UGGT2: variants seen among roughly 807,000 people sequenced by gnomAD.
UGGT2 encodes the protein UDP-glucose glycoprotein glucosyltransferase 2.
UGGT2 carries 180 observed loss-of-function variants against 192.1 expected under a neutral mutation model. The ratio of observed to expected loss-of-function variants is 0.94; its 90% CI spans 0.83 to 1.06. The LOEUF (loss-of-function observed/expected upper bound fraction) is 1.06. Among genes scored for constraint, UGGT2 ranks in the 50% least tolerant of loss-of-function variants. UGGT2 has a pLI of 0.00. For synonymous variants in UGGT2, 580 were observed against 591.0 expected (o/e 0.98, Z 0.27); for missense variants, 1,849 against 1,795.7 (o/e 1.03, Z -0.54).
chr13:95,935,413 C>T (rs1378784026), intron 17 of UGGT2, among the ~76,000 whole-genome samples: 4 of 152,164 alleles, frequency 2.6e-5, no homozygotes, highest in African/African-American at 7.2e-5. Context: ...TTTTACTTCT[C>T]ATTCACTTAT....
intron 21 of UGGT2, among the ~76,000 whole-genome samples, chr13:95,902,572 G>A (rs1042275493): frequency 1.3e-5 from 2 of 150,742 alleles, no homozygotes; most frequent in African/African-American, 2.5e-5. Flanking sequence ...TTTACGTAAC[G>A]CTTTAACCCC....
chr13:96,046,721 A>G (rs898342859), intron 1 of UGGT2, among the ~76,000 whole-genome samples: 1 of 152,202 alleles, frequency 6.6e-6, no homozygotes, highest in Admixed American at 6.5e-5. Context: ...TTTCCTAGCC[A>G]AGGGAAGCCG....
intron 8 of UGGT2, chr13:95,989,684 A>G (rs2051398593): frequency 3.9e-6 from 1 of 256,632 alleles, no homozygotes; most frequent in Non-Finnish European, 7.8e-6. Context: ...TATAGTCTCC[A>G]CAAATGTGAT....
rs2140438192 is a variant in UGGT2 at position 95,927,207 on chromosome 13, T to A, written c.2101+6A>T. Reference sequence around the variant, plus strand: ...ACATTTGTAGAACAGTATAGGATTATTTTACCTGATGTAGATATTAAATTG... The same window carrying A: ...ACATTTGTAGAACAGTATAGGATTAATTTACCTGATGTAGATATTAAATTG... On this transcript the variant is annotated splice_donor_region_variant and intron_variant, in intron 18 of 38. Coordinates refer to ENST00000376747, the MANE Select transcript of UGGT2 (RefSeq NM_020121.4). The A allele has an allele frequency of 6.2e-7, 1 of 1,611,548 alleles. No individual in the cohort carries two copies. Among genetic ancestry groups the A allele is most frequent in the East Asian group, 2.2e-5 (1 of 44,724 alleles).
intron 12 of UGGT2, among the ~76,000 whole-genome samples, chr13:95,968,768 A>G (rs775624192): frequency 3.9e-5 from 6 of 152,198 alleles, no homozygotes; most frequent in Non-Finnish European, 8.8e-5. Context: ...ATTTCTTTAT[A>G]GCAAGGTAAG....
intron 5 of UGGT2, among the ~76,000 whole-genome samples, chr13:96,000,863 T>TA (rs34072664): frequency 1.4e-4 from 21 of 150,510 alleles, no homozygotes; most frequent in Admixed American, 4.6e-4. Flanking sequence ...ATCAACAGGT[T>TA]AAAAAAAAAA....
At chr13:95,877,666 A>T in intron 28 of UGGT2, 32 bp downstream of exon 28, 2 of 1,583,596 alleles carry the variant, frequency 1.3e-6, no homozygotes, top group Non-Finnish European at 1.7e-6. Context: ...CCAAAACATC[A>T]AATTAAACAC....
chr13:95,905,132 G>T (rs556381597), intron 20 of UGGT2, among the ~76,000 whole-genome samples: 26 of 152,004 alleles, frequency 1.7e-4, no homozygotes, highest in Non-Finnish European at 2.8e-4. Context: ...CGCCCACTTT[G>T]TGATGGGGTT....
chr13:95,822,916 G>A (rs1392474156), intron 38 of UGGT2, among the ~76,000 whole-genome samples: 2 of 151,972 alleles, frequency 1.3e-5, no homozygotes, highest in African/African-American at 2.4e-5. Flanking sequence ...TTCTGATGTA[G>A]GCATTTGATG....
rs963192175 is a variant in UGGT2 at position 95,802,748 on chromosome 13, C to A, written c.4529-936G>T. On this transcript the variant is annotated intron_variant, in intron 38 of 38. Transcript: ENST00000376747. The stretch of plus-strand genomic sequence containing the variant: ...CGTGGAAAATCTGTGCCTGTCAGCT[C>A]CCCACCCCACTCTCATTCTTCTGAA... Among the ~76,000 whole-genome samples the A allele has an allele frequency of 6.6e-5, 10 of 152,312 alleles. No individual in the cohort carries two copies. In the South Asian group the frequency reaches 2.1e-3, roughly 32 times the overall value.
Position 95,923,233 on chromosome 13 carries a change from A to AT in UGGT2, c.2295+2446dup, listed in dbSNP as rs570822991. On this transcript the variant is annotated intron_variant, in intron 20 of 38. Transcript: ENST00000376747. ...CACCTGGCTAATTGTTTTTAAAAAA[A>AT]TTTTTTTTAGAGACAGAGTCTTGTT... 7.2e-5 allele frequency among the ~76,000 whole-genome samples: 11 copies of AT among 151,982 alleles called. No individual in the cohort carries two copies. In the South Asian group the frequency reaches 1.5e-3, roughly 20 times the overall value.
chr13:95,858,713 T>C (rs1390009987), intron 33 of UGGT2, among the ~76,000 whole-genome samples: 1 of 152,188 alleles, frequency 6.6e-6, no homozygotes, highest in Non-Finnish European at 1.5e-5. Flanking sequence ...TTTGGAGTTA[T>C]ATAAATCCTT....
chr13:96,022,938 C>A (rs1005063701), intron 4 of UGGT2, 102 bp downstream of exon 4: 3 of 667,232 alleles, frequency 4.5e-6, no homozygotes, highest in Non-Finnish European at 2.2e-6. Flanking sequence ...CTTGAATATA[C>A]AATGTCTTAG....
At chr13:95,813,744 C>G (rs548802305) in intron 38 of UGGT2, among the ~76,000 whole-genome samples, 1 of 152,194 alleles carries the variant, frequency 6.6e-6, no homozygotes, top group Admixed American at 6.5e-5. Flanking sequence ...ATTTCAGAGA[C>G]CTTTGCAGCA....
intron 1 of UGGT2, among the ~76,000 whole-genome samples, chr13:96,047,290 A>G (rs1287936845): frequency 6.6e-6 from 1 of 152,134 alleles, no homozygotes; most frequent in Non-Finnish European, 1.5e-5. Flanking sequence ...GAACAATAAG[A>G]CAGCAACATT....
intron 1 of UGGT2, among the ~76,000 whole-genome samples, chr13:96,050,874 A>G (rs928418610): frequency 1.3e-4 from 20 of 152,182 alleles, no homozygotes; most frequent in Admixed American, 1.3e-3. Flanking sequence ...ACACTTTTAC[A>G]CTGTTGGTGG....
chr13:95,943,667 C>T (rs949953394), intron 15 of UGGT2, among the ~76,000 whole-genome samples: 1 of 151,992 alleles, frequency 6.6e-6, no homozygotes, highest in Non-Finnish European at 1.5e-5. Context: ...CTTTACTAAC[C>T]TCCTGTGTCA....
intron 12 of UGGT2, among the ~76,000 whole-genome samples, chr13:95,953,729 C>CAA (rs145353005): frequency 4.1e-5 from 6 of 146,466 alleles, no homozygotes; most frequent in East Asian, 2.0e-4. Flanking sequence ...CTATTTTCTA[C>CAA]AAAAAAAAAA....
intron 10 of UGGT2, among the ~76,000 whole-genome samples, chr13:95,979,537 G>T (rs1341395007): frequency 2.0e-4 from 8 of 39,562 alleles, no homozygotes; most frequent in African/African-American, 5.1e-4. Flanking sequence ...CATTTCCCCT[G>T]GTCTCTTACG....
Sources: allele counts gnomAD v4.1 joint callset (sites outside exome capture counted in the v4.1 genomes callset), GRCh38; gene constraint gnomAD v4.1.1; transcripts MANE v1.5; gene names NCBI Gene and HGNC (gene_info 2026-07-23, HGNC 2026-07-21).